TMEM26: variants seen among roughly 807,000 people sequenced by gnomAD.
The protein encoded by TMEM26 is transmembrane protein 26.
In TMEM26, 38 loss-of-function variants were observed where a neutral mutation model predicts 28.8. That is an observed-to-expected ratio of 1.32 (90% CI 1.02 to 1.73). The LOEUF (loss-of-function observed/expected upper bound fraction) is 1.73. TMEM26 is among the 40% of genes most tolerant of loss of function. The pLI, the probability that TMEM26 is intolerant of heterozygous loss-of-function variation, is 0.00. For synonymous variants in TMEM26, 227 were observed against 182.9 expected (o/e 1.24, Z -1.95); for missense variants, 518 against 447.1 (o/e 1.16, Z -1.43).
intron 5 of TMEM26, among the ~76,000 whole-genome samples, chr10:61,411,612 T>C (rs555958223): frequency 6.6e-6 from 1 of 152,372 alleles, no homozygotes; most frequent in South Asian, 2.1e-4. Flanking sequence ...TATTTTATTT[T>C]ATCCTAATTC....
intron 1 of TMEM26, among the ~76,000 whole-genome samples, chr10:61,451,719 T>C (rs1441246321): frequency 1.3e-5 from 2 of 152,192 alleles, no homozygotes; most frequent in Non-Finnish European, 2.9e-5. Flanking sequence ...ATTAGGATTG[T>C]TCTTGAATAA....
intron 4 of TMEM26, chr10:61,414,173 A>G (rs1432585537): frequency 1.8e-6 from 1 of 545,506 alleles, no homozygotes; most frequent in South Asian, 8.0e-5. Context: ...GGTTAAAAGC[A>G]CCAAAGAAGG....
At chr10:61,430,375 G>C (rs1026518218) in intron 3 of TMEM26, among the ~76,000 whole-genome samples, 1 of 151,928 alleles carries the variant, frequency 6.6e-6, no homozygotes, top group Admixed American at 6.6e-5. Context: ...GAAGAAAAAG[G>C]AAGGGATTCT....
chr10:61,412,505 T>C (rs1839583569), intron 5 of TMEM26, among the ~76,000 whole-genome samples: 1 of 152,126 alleles, frequency 6.6e-6, no homozygotes, highest in Admixed American at 6.5e-5. Flanking sequence ...TAAGGTGTAA[T>C]AAATAAACAA....
chr10:61,433,669 G>A (rs1004499808), intron 2 of TMEM26, among the ~76,000 whole-genome samples: 4 of 152,100 alleles, frequency 2.6e-5, no homozygotes, highest in Admixed American at 6.5e-5. Context: ...AAATAGGTCA[G>A]GATGTTTTCC....
In TMEM26 at chr10:61,413,513, C is replaced by A; in HGVS notation, c.628G>T (p.Ala210Ser). Residue 210 changes from alanine to serine, a missense_variant, in exon 5 of 6, where the codon GCC (alanine) becomes TCC (serine). Ala to Ser is a moderately conservative substitution (Grantham distance 99, BLOSUM62 1). Transcript: ENST00000399298. ...CTCCAAGTCCATATAACAAGGATGG[C>A]ATAGACTAGTGCAGGACTATTCCTA... ...NVRNSPALVY[A>S]ILVIWTWSML... 6.2e-7 allele frequency: 1 copy of A among 1,612,774 alleles called. No individual in the cohort carries two copies.
Position 61,410,601 on chromosome 10 carries a change from C to T in TMEM26, c.828G>A (p.Met276Ile). The change falls in exon 6 of 6, where the codon ATG becomes ATA. Residue 276 changes from methionine to isoleucine, a missense_variant. By Grantham distance (10) the Met-to-Ile change is conservative. Transcript: ENST00000399298. ...TCTGATTGATCACTTTGAAATAGGTCATCAGTATGAGACGCACGACAAGGA... is the reference window on the plus strand; with the variant it reads ...TCTGATTGATCACTTTGAAATAGGTTATCAGTATGAGACGCACGACAAGGA... ...GPFLVVRLIL[M>I]TYFKVINQML... 1 of 1,614,082 alleles carries T rather than the reference C, an allele frequency of 6.2e-7. No homozygotes were observed. The highest frequency in any genetic ancestry group is 8.5e-7 in the Non-Finnish European group (1 of 1,180,022).
chr10:61,430,981 TTAA>T (rs1385736312), intron 3 of TMEM26, among the ~76,000 whole-genome samples: 4 of 152,100 alleles, frequency 2.6e-5, no homozygotes, highest in Non-Finnish European at 4.4e-5. Context: ...TATGTGTTCC[TTAA>T]TGATGCAGGT....
intron 4 of TMEM26, chr10:61,414,977 G>A: frequency 3.0e-6 from 3 of 985,262 alleles, no homozygotes; most frequent in Non-Finnish European, 3.6e-6. Flanking sequence ...CTCCCCACAG[G>A]GGGACTCTCC....
At chr10:61,446,854 T>TAAAAAAAAAAAAAAAAA (rs1840191839) in intron 1 of TMEM26, among the ~76,000 whole-genome samples, 11 of 78,370 alleles carry the variant, frequency 1.4e-4, no homozygotes, top group African/African-American at 6.0e-4. Context: ...AAAAAAAAAT[T>TAAAAAAAAAAAAAAAAA]AAAAATGCTT....
chr10:61,425,306 A>G (rs951391483), intron 4 of TMEM26, among the ~76,000 whole-genome samples: 31 of 152,206 alleles, frequency 2.0e-4, no homozygotes, highest in African/African-American at 7.2e-4. Context: ...TGGGAGTTAC[A>G]ATTCAAGATG....
chr10:61,411,689 A>T (rs1055529973), intron 5 of TMEM26, among the ~76,000 whole-genome samples: 6 of 152,264 alleles, frequency 3.9e-5, no homozygotes, highest in Non-Finnish European at 7.3e-5. Flanking sequence ...GTTAAACAAA[A>T]GGAGGTGCAA....
Position 61,429,140 on chromosome 10 carries a change from C to T in TMEM26, c.391G>A (p.Val131Ile), listed in dbSNP as rs1839880707. The stretch of plus-strand genomic sequence containing the variant: ...ACTGTAGATAAGTTATTCACAAAAA[C>T]TTTGGCCTGTTTAACAGAAATGTCA... The part of the protein sequence containing the change: ...RADDLIETAK[V>I]FVNNLSTVCE... The change falls in exon 4 of 6, where the codon GTT becomes ATT. Residue 131 changes from valine (V) to isoleucine (I), a missense_variant. Val to Ile is a conservative substitution (Grantham distance 29). Coordinates refer to ENST00000399298, the MANE Select transcript of TMEM26 (RefSeq NM_178505.8). 1.2e-6 allele frequency: 2 copies of T among 1,612,354 alleles called. No homozygotes were observed. Among genetic ancestry groups the T allele is most frequent in the Non-Finnish European group, 1.7e-6 (2 of 1,179,160 alleles).
At chr10:61,417,252 A>T (rs1839668054) in intron 4 of TMEM26, among the ~76,000 whole-genome samples, 1 of 152,024 alleles carries the variant, frequency 6.6e-6, no homozygotes, top group African/African-American at 2.4e-5. Flanking sequence ...AAACAAAAAA[A>T]TCTTGGGAAG....
At chr10:61,448,574 A>T (rs1840223838) in intron 1 of TMEM26, among the ~76,000 whole-genome samples, 1 of 151,738 alleles carries the variant, frequency 6.6e-6, no homozygotes, top group African/African-American at 2.4e-5. Flanking sequence ...CTGTATCAAA[A>T]TGCTACCTTT....
intron 1 of TMEM26, among the ~76,000 whole-genome samples, chr10:61,446,087 A>G (rs1276415265): frequency 1.3e-5 from 2 of 152,246 alleles, no homozygotes; most frequent in Non-Finnish European, 2.9e-5. Context: ...CATAGCCATC[A>G]TTCAGAGGTT....
At chr10:61,446,265 A>G (rs1840178876) in intron 1 of TMEM26, among the ~76,000 whole-genome samples, 2 of 152,192 alleles carry the variant, frequency 1.3e-5, no homozygotes, top group South Asian at 2.1e-4. Context: ...CTAAGAACAA[A>G]GTCATTTGCT....
intron 1 of TMEM26, among the ~76,000 whole-genome samples, chr10:61,444,759 T>C (rs1840152472): frequency 6.6e-6 from 1 of 151,442 alleles, no homozygotes; most frequent in Non-Finnish European, 1.5e-5. Flanking sequence ...ATACAAAACA[T>C]AACAAATAAG....
At chr10:61,412,148 T>A (rs1489277896) in intron 5 of TMEM26, among the ~76,000 whole-genome samples, 14 of 152,152 alleles carry the variant, frequency 9.2e-5, no homozygotes, top group African/African-American at 3.1e-4. Flanking sequence ...TCTAAAGGTA[T>A]TAATTCAGTA....
Sources: gnomAD v4.1 joint callset for allele counts (sites outside exome capture counted in the v4.1 genomes callset) on GRCh38, gnomAD v4.1.1 for gene constraint, MANE v1.5 for transcripts, NCBI Gene and HGNC (gene_info 2026-07-23, HGNC 2026-07-21) for gene names.